The following ABR variants were observed in gnomAD, a reference collection of about 807,000 sequenced individuals.
The protein encoded by ABR is ABR activator of RhoGEF and GTPase, also known as active breakpoint cluster region-related protein.
Under a neutral mutation model 107.2 loss-of-function variants are expected in ABR, and 35 were observed. The observed-to-expected ratio is 0.33, with a 90% CI of 0.25 to 0.43. The LOEUF is 0.43. Among genes scored for constraint, ABR ranks in the 20% least tolerant of loss-of-function variants. ABR has a pLI of 1.00. For missense variants in ABR, 815 were observed against 1,115.2 expected (o/e 0.73, Z 3.83); for synonymous variants, 498 against 462.0 (o/e 1.08, Z -1.00).
At chr17:1,155,360 A>T (rs2040998302) in intron 1 of ABR, among the ~76,000 whole-genome samples, 1 of 152,340 alleles carries the variant, frequency 6.6e-6, no homozygotes. Flanking sequence ...TGCCACATGT[A>T]AAAGTTGAAC....
At chr17:1,075,378 G>A (rs911479573) in intron 6 of ABR, among the ~76,000 whole-genome samples, 3 of 152,268 alleles carry the variant, frequency 2.0e-5, no homozygotes, top group African/African-American at 7.2e-5. Context: ...ACAGGTCCCA[G>A]CGTGAACACG....
At chr17:1,040,161 T>C (rs2030108783) in intron 16 of ABR, among the ~76,000 whole-genome samples, 2 of 152,068 alleles carry the variant, frequency 1.3e-5, no homozygotes, top group African/African-American at 4.8e-5. Context: ...GGGCCGGAGC[T>C]GGAAGGGGCT....
upstream of ABR, among the ~76,000 whole-genome samples, chr17:1,191,726 GGAA>G (rs1310675967): frequency 6.6e-6 from 1 of 152,100 alleles, no homozygotes; most frequent in Non-Finnish European, 1.5e-5. Context: ...GTAGGGGTGT[GGAA>G]GAAGAACAGA....
Position 1,004,797 on chromosome 17 carries a change from G to T in ABR, c.*1283C>A, listed in dbSNP as rs1257341787. 6 of 372,922 alleles carry T rather than the reference G, an allele frequency of 1.6e-5. No individual in the cohort carries two copies. Among genetic ancestry groups the T allele is most frequent in the African/African-American group, 1.2e-4 (6 of 48,170 alleles). The allele number at this position is 372,922 out of a possible 1,614,324, so 23.1% of individuals were successfully genotyped here. The stretch of plus-strand genomic sequence containing the variant: ...GGAGTTCCCAGTGTTTACCCAAAAG[G>T]CTGTATCCAGAAGCTGGGGCGGCAC... On this transcript the variant is annotated 3_prime_UTR_variant, in exon 23 of 23. Coordinates refer to ENST00000302538, the MANE Select transcript of ABR (RefSeq NM_021962.5).
intron 9 of ABR, among the ~76,000 whole-genome samples, chr17:1,068,315 T>C (rs933617680): frequency 6.6e-6 from 1 of 152,206 alleles, no homozygotes; most frequent in African/African-American, 2.4e-5. Context: ...CCCTTGAGTG[T>C]TGAGGTGGGC....
intron 2 of ABR, among the ~76,000 whole-genome samples, chr17:1,103,117 C>T (rs542393488): frequency 3.3e-5 from 5 of 152,288 alleles, no homozygotes; most frequent in East Asian, 3.9e-4. Context: ...ACAGACCCCA[C>T]GCTTCAGGCA....
intron 4 of ABR, among the ~76,000 whole-genome samples, chr17:1,091,348 C>G (rs2037016857): frequency 6.6e-6 from 1 of 152,004 alleles, no homozygotes; most frequent in African/African-American, 2.4e-5. Flanking sequence ...AAGGAGCACC[C>G]TCCGGGAGAG....
chr17:1,176,641 T>C (rs1234900602), intron 1 of ABR, among the ~76,000 whole-genome samples: 3 of 151,610 alleles, frequency 2.0e-5, no homozygotes, highest in Non-Finnish European at 4.4e-5. Context: ...AGGTCAGGAG[T>C]TCGAGACCAG....
intron 10 of ABR, among the ~76,000 whole-genome samples, chr17:1,060,047 CAG>C (rs1666693394): frequency 6.6e-6 from 1 of 152,214 alleles, no homozygotes; most frequent in African/African-American, 2.4e-5. Context: ...AGCGAAGAAT[CAG>C]AGACAATCCA....
chr17:1,076,934 C>A (rs569133636), intron 6 of ABR, among the ~76,000 whole-genome samples: 1 of 152,270 alleles, frequency 6.6e-6, no homozygotes, highest in Admixed American at 6.5e-5. Flanking sequence ...CTCTCCCTCT[C>A]CACTGACACT....
Position 1,012,639 on chromosome 17 carries a change from G to A in ABR, c.1961+49C>T, listed in dbSNP as rs1597358093. 4.2e-6 allele frequency: 6 copies of A among 1,420,364 alleles called. No homozygotes were observed. In the East Asian group the frequency reaches 7.5e-5, roughly 18 times the overall value. 88.0% of individuals were successfully genotyped at this position (1,420,364 alleles called of 1,614,324 possible). On this transcript the variant is annotated intron_variant, in intron 18 of 22. Coordinates refer to ENST00000302538, the MANE Select transcript of ABR (RefSeq NM_021962.5). The stretch of plus-strand genomic sequence containing the variant: ...AGGGCTGGGGGGCCCGGGCTGGGGG[G>A]GACCCGGGGCACCGACGCCAGGACT...
chr17:1,147,987 G>A (rs1046222182), intron 1 of ABR, among the ~76,000 whole-genome samples: 2 of 152,130 alleles, frequency 1.3e-5, no homozygotes, highest in South Asian at 2.1e-4. Context: ...TGGCACCTGA[G>A]GGCCACGCCT....
rs759234729 is a variant in ABR at position 1,022,106 on chromosome 17, C to CAAAAAAAAAAAAAAAA, written c.1792-8958_1792-8943dup. 6.8e-3 allele frequency among the ~76,000 whole-genome samples: 267 copies of CAAAAAAAAAAAAAAAA among 39,152 alleles called. 5 individuals are homozygous for CAAAAAAAAAAAAAAAA. The highest frequency in any genetic ancestry group is 0.02 in the South Asian group (23 of 1,128). The allele number at this position is 39,152 out of a possible 152,430, so 25.7% of individuals were successfully genotyped here. On this transcript the variant is annotated intron_variant, in intron 16 of 22. Transcript: ENST00000302538. ...TGGGCAACAGAGCAAGACTCTGTCTCAAAAAAAAAAAAAAAAAAACAGAAA... is the reference window on the plus strand; with the variant it reads ...TGGGCAACAGAGCAAGACTCTGTCTCAAAAAAAAAAAAAAAAAAAAAAAAAAAAAAAAAAACAGAAA...
chr17:1,223,788 G>C (rs2043164743), intron 1 of ABR, among the ~76,000 whole-genome samples: 1 of 152,116 alleles, frequency 6.6e-6, no homozygotes, highest in African/African-American at 2.4e-5. Context: ...CAAGCCTGCG[G>C]GGGAAACTTC....
chr17:1,126,352 CGGA>C (rs1310002949), intron 1 of ABR: 1 of 152,452 alleles, frequency 6.6e-6, no homozygotes, highest in Non-Finnish European at 1.5e-5. Context: ...CGACTGGCAA[CGGA>C]GAACGTGGCA....
At chr17:1,091,642 C>A in intron 4 of ABR, 23 bp downstream of exon 4, 1 of 1,605,924 alleles carries the variant, frequency 6.2e-7, no homozygotes, top group Non-Finnish European at 8.5e-7. Context: ...TGCGTGAGGA[C>A]CCTCCATCCC....
At chr17:1,206,363 G>A (rs1414703169) in intron 1 of ABR, among the ~76,000 whole-genome samples, 1 of 152,156 alleles carries the variant, frequency 6.6e-6, no homozygotes, top group East Asian at 1.9e-4. Flanking sequence ...CTCAATATTA[G>A]ACAATCTGCA....
chr17:1,012,108 G>A (rs776506054), intron 18 of ABR, 123 bp from the exon 19 acceptor site: 44 of 1,486,130 alleles, frequency 3.0e-5, no homozygotes, highest in African/African-American at 4.2e-5. Context: ...GCTGGGGCGG[G>A]GGCAGGGGCA....
intron 3 of ABR, among the ~76,000 whole-genome samples, chr17:1,094,735 G>A (rs778035321): frequency 3.1e-4 from 47 of 152,142 alleles, no homozygotes; most frequent in Non-Finnish European, 6.3e-4. Context: ...TGGACGATGC[G>A]ACTGACTGTA....
Sources: gnomAD v4.1 joint callset for allele counts (sites outside exome capture counted in the v4.1 genomes callset) on GRCh38, gnomAD v4.1.1 for gene constraint, MANE v1.5 for transcripts, NCBI Gene and HGNC (gene_info 2026-07-23, HGNC 2026-07-21) for gene names.